CD109: variants seen among roughly 807,000 people sequenced by gnomAD.
CD109 encodes CD109 molecule, also known as CD109 antigen.
CD109 carries 149 observed loss-of-function variants against 165.8 expected under a neutral mutation model. That is an observed-to-expected ratio of 0.90 (90% CI 0.79 to 1.03). CD109 has a LOEUF of 1.03. CD109 is among the 50% of genes least tolerant of loss of function. The pLI, the probability that CD109 is intolerant of heterozygous loss-of-function variation, is 0.00. For missense variants in CD109, 1,712 were observed against 1,677.8 expected (o/e 1.02, Z -0.36); for synonymous variants, 585 against 592.1 (o/e 0.99, Z 0.18).
chr6:73,743,792 G>A (rs1180140850), intron 5 of CD109, among the ~76,000 whole-genome samples: 1 of 152,224 alleles, frequency 6.6e-6, no homozygotes, highest in Non-Finnish European at 1.5e-5. Context: ...CTGAAATGTG[G>A]TTGTGGCTTC....
rs946605223 is a variant in CD109 at position 73,697,317 on chromosome 6, C to T, written c.75-83C>T. ...AATTGGCGCAGTATGGAGTGCCTATCGCACTAGGAAATCTGAGGGTCACAA... is the reference window on the plus strand; with the variant it reads ...AATTGGCGCAGTATGGAGTGCCTATTGCACTAGGAAATCTGAGGGTCACAA... On this transcript the variant is annotated intron_variant, in intron 1 of 32. Coordinates refer to ENST00000287097, the MANE Select transcript of CD109 (RefSeq NM_133493.5). 18 of 1,283,994 alleles carry T rather than the reference C, an allele frequency of 1.4e-5. No homozygotes were observed. In the Middle Eastern group the frequency reaches 1.9e-3, roughly 136 times the overall value. 79.5% of individuals were successfully genotyped at this position (1,283,994 alleles called of 1,614,324 possible). A position where few individuals can be genotyped will look rare whatever the true frequency, so the allele number is the denominator to read the frequency against.
At position 73,803,241 on chromosome 6, in the gene CD109, A is replaced by G. The variant is rs142186456; in HGVS notation, c.2900A>G (p.Tyr967Cys). ...CTAGGTTACCAGAGAGAACTTCTCTATCAGAGGGAAGATGGCTCTTTCAGT... is the reference window on the plus strand; with the variant it reads ...CTAGGTTACCAGAGAGAACTTCTCTGTCAGAGGGAAGATGGCTCTTTCAGT... ...MRQGYQRELL[Y>C]QREDGSFSAF... is the part of the protein sequence containing the mutation. Residue 967 changes from tyrosine (Y) to cysteine (C), a missense_variant, in exon 24 of 33, where the codon TAT (tyrosine) becomes TGT (cysteine). Coordinates refer to ENST00000287097, the MANE Select transcript of CD109 (RefSeq NM_133493.5). 7.4e-6 allele frequency: 12 copies of G among 1,610,914 alleles called. No homozygotes were observed. Among genetic ancestry groups the G allele is most frequent in the African/African-American group, 6.7e-5 (5 of 74,652 alleles).
intron 15 of CD109, among the ~76,000 whole-genome samples, chr6:73,776,673 T>G (rs1281300942): frequency 6.7e-6 from 1 of 148,458 alleles, no homozygotes; most frequent in East Asian, 2.1e-4. Flanking sequence ...TTCTCCTGCC[T>G]CAGCCTCCCA....
At chr6:73,710,721 A>ACCCTTAT (rs1771500293) in intron 2 of CD109, among the ~76,000 whole-genome samples, 1 of 152,054 alleles carries the variant, frequency 6.6e-6, no homozygotes, top group Admixed American at 6.6e-5. Flanking sequence ...GTAGATCTTC[A>ACCCTTAT]CCCTTATCCC....
intron 2 of CD109, among the ~76,000 whole-genome samples, chr6:73,716,942 A>C (rs909186787): frequency 6.6e-6 from 1 of 152,080 alleles, no homozygotes; most frequent in Non-Finnish European, 1.5e-5. Context: ...ATCCATTTTG[A>C]TTTGATTTTA....
upstream of CD109, chr6:73,695,717 TGTGTGC>T (rs1166645144): frequency 5.8e-6 from 1 of 171,014 alleles, no homozygotes; most frequent in African/African-American, 2.4e-5. Context: ...TGCGTGTGTG[TGTGTGC>T]CGTTTCTCTA....
the CD109 span, among the ~76,000 whole-genome samples, chr6:73,690,477 C>T: frequency 6.6e-6 from 1 of 152,060 alleles, no homozygotes; most frequent in African/African-American, 2.4e-5. Flanking sequence ...TCTCGGCTCA[C>T]CGCAACCTCC....
In CD109 at chr6:73,788,480, G is replaced by C; in HGVS notation, c.2569G>C (p.Glu857Gln). The C allele has an allele frequency of 6.2e-7, 1 of 1,609,938 alleles. No individual in the cohort carries two copies. ...QMILVKAEGI[E>Q]KSYSQSILLD... ...TTTTTTTCAACAGGCTGAAGGAATA[G>C]AAAAATCATATTCACAATCCATCTT... Residue 857 changes from glutamate to glutamine, a missense_variant, in exon 22 of 33, where the codon GAA becomes CAA. By Grantham distance (29) the Glu-to-Gln change is conservative. Coordinates refer to ENST00000287097, the MANE Select transcript of CD109 (RefSeq NM_133493.5).
chr6:73,681,443 G>A, the CD109 span, among the ~76,000 whole-genome samples: 3 of 151,024 alleles, frequency 2.0e-5, no homozygotes, highest in Non-Finnish European at 4.4e-5. Context: ...CTGTTTTCAC[G>A]CTGCTGATAA....
rs1402042720 is a variant in CD109, at chr6:73,785,424, G to A, written c.2284G>A (p.Glu762Lys). ...LNLPYSVIRG[E>K]EFALEITIFN... Reference sequence around the variant, plus strand: ...TCTTCCCTACTCTGTTATCAGAGGTGAAGAATTTGCTTTGGAAATAACTAT... The same window carrying A: ...TCTTCCCTACTCTGTTATCAGAGGTAAAGAATTTGCTTTGGAAATAACTAT... The change falls in exon 20 of 33, where the codon GAA (glutamate) becomes AAA (lysine). Residue 762 changes from glutamate (E) to lysine (K), a missense_variant. Physicochemically the swap from Glu to Lys is moderately conservative, Grantham distance 56. Coordinates refer to ENST00000287097, the MANE Select transcript of CD109 (RefSeq NM_133493.5). 1 of 1,607,934 alleles carries A rather than the reference G, an allele frequency of 6.2e-7. No individual in the cohort carries two copies. The highest frequency in any genetic ancestry group is 8.5e-7 in the Non-Finnish European group (1 of 1,177,470).
intron 2 of CD109, 166 bp from the exon 3 acceptor site, chr6:73,723,085 T>G (rs1772020223): frequency 4.1e-6 from 4 of 966,760 alleles, no homozygotes; most frequent in Non-Finnish European, 4.9e-6. Flanking sequence ...AGATATGTAA[T>G]AATTTCTTGG....
intron 2 of CD109, among the ~76,000 whole-genome samples, chr6:73,722,346 C>T (rs556845440): frequency 6.6e-6 from 1 of 152,274 alleles, no homozygotes; most frequent in Non-Finnish European, 1.5e-5. Flanking sequence ...TTATTAGCAT[C>T]CTCATCTTAT....
intron 7 of CD109, 43 bp from the exon 8 acceptor site, chr6:73,762,341 T>C (rs1773667266): frequency 2.5e-6 from 3 of 1,178,510 alleles, no homozygotes; most frequent in South Asian, 1.3e-5. Flanking sequence ...GTTCTGACAA[T>C]ATCAAGTTGA....
intron 2 of CD109, among the ~76,000 whole-genome samples, chr6:73,718,357 C>G (rs1368994003): frequency 6.6e-6 from 1 of 151,864 alleles, no homozygotes; most frequent in East Asian, 1.9e-4. Context: ...TCAGTTTTTC[C>G]CCATTTAGTA....
rs755358431 is a variant in CD109 at position 73,820,449 on chromosome 6, G to A, written c.4060-12G>A. 1.3e-6 allele frequency: 2 copies of A among 1,505,874 alleles called. No homozygotes were observed. Among genetic ancestry groups the A allele is most frequent in the East Asian group, 4.5e-5 (2 of 44,232 alleles). 93.3% of individuals were successfully genotyped at this position (1,505,874 alleles called of 1,614,324 possible). A position where few individuals can be genotyped will look rare whatever the true frequency, so the allele number is the denominator to read the frequency against. ...TGTGCCAACCCCTTAAGACTCTTTTGTATTTCTCAAGGTAAATGAAACCCA... is the reference window on the plus strand; with the variant it reads ...TGTGCCAACCCCTTAAGACTCTTTTATATTTCTCAAGGTAAATGAAACCCA... On this transcript the variant is annotated splice_polypyrimidine_tract_variant and intron_variant, in intron 31 of 32. Coordinates refer to ENST00000287097, the MANE Select transcript of CD109 (RefSeq NM_133493.5).
chr6:73,777,794 C>T (rs969600402), intron 15 of CD109, among the ~76,000 whole-genome samples: 3 of 152,070 alleles, frequency 2.0e-5, no homozygotes, highest in African/African-American at 7.2e-5. Flanking sequence ...GTGTGAGTAC[C>T]ATGCTGTTTT....
rs41265539 is a variant in CD109, at chr6:73,766,094, A to C, written c.1272A>C (p.Gln424His). ...AGAAAATAAATTATACTGTCCCCCA[A>C]AGTGGAACTTTTAAGATTGAATTCC... ...AVQKINYTVPQSGTFKIEFPI... is the reference protein window; with the variant it reads ...AVQKINYTVPHSGTFKIEFPI... Residue 424 changes from glutamine to histidine, a missense_variant, in exon 11 of 33, where the codon CAA becomes CAC. By Grantham distance (24) the Gln-to-His change is conservative. Transcript: ENST00000287097. The C allele has an allele frequency of 1.2e-6, 2 of 1,614,126 alleles. No homozygotes were observed. The highest frequency in any genetic ancestry group is 2.7e-5 in the African/African-American group (2 of 75,048).
intron 2 of CD109, among the ~76,000 whole-genome samples, chr6:73,702,338 G>A (rs1190165276): frequency 2.6e-5 from 4 of 152,054 alleles, no homozygotes; most frequent in Non-Finnish European, 5.9e-5. Context: ...GGTTTGGATG[G>A]TTTTCTGGTG....
At chr6:73,704,771 G>A (rs1237486840) in intron 2 of CD109, among the ~76,000 whole-genome samples, 1 of 152,146 alleles carries the variant, frequency 6.6e-6, no homozygotes, top group African/African-American at 2.4e-5. Context: ...TGGGGAGTGG[G>A]GAATAAGAGA....
Sources: allele counts gnomAD v4.1 joint callset (sites outside exome capture counted in the v4.1 genomes callset), GRCh38; gene constraint gnomAD v4.1.1; transcripts MANE v1.5; gene names NCBI Gene and HGNC (gene_info 2026-07-23, HGNC 2026-07-21).